The following LRCH3 variants were observed in gnomAD, a reference collection of about 807,000 sequenced individuals.
The protein encoded by LRCH3 is DISP complex protein LRCH3.
LRCH3 carries 68 observed loss-of-function variants against 104.5 expected under a neutral mutation model. The ratio of observed to expected loss-of-function variants is 0.65; its 90% CI spans 0.54 to 0.80. The LOEUF (loss-of-function observed/expected upper bound fraction) is 0.80. LRCH3 is among the 30% of genes least tolerant of loss of function. The pLI is 0.00. For synonymous variants in LRCH3, 344 were observed against 361.3 expected, an observed-to-expected ratio of 0.95 and a Z score of 0.54; for missense variants, 951 against 953.9, an observed-to-expected ratio of 1.00 and a Z score of 0.04.
At position 197,882,202 on chromosome 3, in the gene LRCH3, G is replaced by A. The variant is rs552848548; in HGVS notation, c.2209-1339G>A. The A allele has an allele frequency of 1.4e-5, 14 of 985,398 alleles. No individual in the cohort carries two copies. The South Asian group carries it at 2.3e-4, about 17-fold the overall frequency. The allele number at this position is 985,398 out of a possible 1,614,324, so 61.0% of individuals were successfully genotyped here. ...AGGCTTCTGAGTGTGAACACCGGCC[G>A]CGCAGGTCCTAGGGCGCTGCTGAGA... On this transcript the variant is annotated intron_variant, in intron 20 of 20. Coordinates refer to ENST00000425562, the MANE Select transcript of LRCH3 (RefSeq NM_001365715.1).
At chr3:197,813,990 T>C (rs1251067771) in intron 1 of LRCH3, among the ~76,000 whole-genome samples, 2 of 152,242 alleles carry the variant, frequency 1.3e-5, no homozygotes, top group Non-Finnish European at 1.5e-5. Flanking sequence ...CATCCATCTA[T>C]TGTTTACTCA....
In LRCH3 at chr3:197,870,297, A is replaced by AT. The variant is rs1184920560; in HGVS notation, c.1992+22dup. Reference sequence around the variant, plus strand: ...GCGTAAAGTATGTACATTACCTTTGATTTACACTTTTTCAGTATTACTGCT... The same window carrying AT: ...GCGTAAAGTATGTACATTACCTTTGATTTTACACTTTTTCAGTATTACTGCT... On this transcript the variant is annotated intron_variant, in intron 18 of 20. Coordinates refer to ENST00000425562, the MANE Select transcript of LRCH3 (RefSeq NM_001365715.1). 1 of 1,606,694 alleles carries AT rather than the reference A, an allele frequency of 6.2e-7. No individual in the cohort carries two copies. The highest frequency in any genetic ancestry group is 1.1e-5 in the South Asian group (1 of 90,486).
At chr3:197,827,984 G>A (rs961607154) in intron 5 of LRCH3, among the ~76,000 whole-genome samples, 2 of 151,430 alleles carry the variant, frequency 1.3e-5, no homozygotes, top group Admixed American at 1.3e-4. Context: ...GGCTGAGGCA[G>A]GAAAATCACT....
Position 197,829,632 on chromosome 3 carries a change from T to A in LRCH3, c.846T>A (p.Asp282Glu), listed in dbSNP as rs1261279930. 4 of 1,613,414 alleles carry A rather than the reference T, an allele frequency of 2.5e-6. No homozygotes were observed. In the Admixed American group the frequency reaches 6.7e-5, roughly 27 times the overall value. The part of the protein sequence containing the change: ...LNIQACKIAP[D>E]LPDYDRRPLG... ...TACAAGCTTGTAAGATTGCTCCAGATCTGCCGGATTATGATAGGAGACCGT... is the reference window on the plus strand; with the variant it reads ...TACAAGCTTGTAAGATTGCTCCAGAACTGCCGGATTATGATAGGAGACCGT... The change falls in exon 6 of 21, where the codon GAT becomes GAA. Residue 282 changes from aspartate to glutamate, a missense_variant. Coordinates refer to ENST00000425562, the MANE Select transcript of LRCH3 (RefSeq NM_001365715.1).
intron 1 of LRCH3, among the ~76,000 whole-genome samples, chr3:197,792,577 T>TTATTTATATATATATATATATATA (rs1352243221): frequency 4.9e-5 from 1 of 20,346 alleles, no homozygotes; most frequent in African/African-American, 1.2e-4. Context: ...CCAGCTAATT[T>TTATTTATATATATATATATATATA]TATATATATA....
At chr3:197,867,443 G>A (rs376733430) in intron 17 of LRCH3, among the ~76,000 whole-genome samples, 19 of 151,634 alleles carry the variant, frequency 1.3e-4, no homozygotes, top group African/African-American at 3.6e-4. Context: ...TAGGCCAGGC[G>A]TGGTGGCACG....
At chr3:197,876,950 G>A (rs113199438) in intron 20 of LRCH3, among the ~76,000 whole-genome samples, 42 of 21,884 alleles carry the variant, frequency 1.9e-3, no homozygotes, top group African/African-American at 0.011. Flanking sequence ...CGCACCCATG[G>A]CAGTGATTCT....
At chr3:197,793,253 A>G (rs1730834133) in intron 1 of LRCH3, among the ~76,000 whole-genome samples, 1 of 152,354 alleles carries the variant, frequency 6.6e-6, no homozygotes, top group Non-Finnish European at 1.5e-5. Flanking sequence ...CTTTTGCTGT[A>G]GTTTAAAATA....
rs879728738 is a variant in LRCH3, at chr3:197,865,716, G to T, written c.1765+245G>T. Among the ~76,000 whole-genome samples, 10 of 150,846 alleles carry T rather than the reference G, an allele frequency of 6.6e-5. No individual in the cohort carries two copies. The East Asian group carries it at 1.9e-3, about 29-fold the overall frequency. ...TTCCTAAATTACTTGTTAGAGAGCTGTGGCTGCTTTTTCTGAGATAGAAAT... is the reference window on the plus strand; with the variant it reads ...TTCCTAAATTACTTGTTAGAGAGCTTTGGCTGCTTTTTCTGAGATAGAAAT... On this transcript the variant is annotated intron_variant, in intron 16 of 20. Coordinates refer to ENST00000425562, the MANE Select transcript of LRCH3 (RefSeq NM_001365715.1).
In LRCH3 at chr3:197,882,218, G is replaced by A. The variant is rs142088959; in HGVS notation, c.2209-1323G>A. The A allele has an allele frequency of 6.9e-5, 68 of 985,378 alleles. No homozygotes were observed. The African/African-American group carries it at 1.1e-3, about 16-fold the overall frequency. The allele number at this position is 985,378 out of a possible 1,614,324, so 61.0% of individuals were successfully genotyped here. ...ACACCGGCCGCGCAGGTCCTAGGGC[G>A]CTGCTGAGAGGAAGAGACCAGGGAA... On this transcript the variant is annotated intron_variant, in intron 20 of 20. Transcript: ENST00000425562.
intron 18 of LRCH3, 50 bp from the exon 19 acceptor site, chr3:197,871,275 T>C: frequency 7.2e-7 from 1 of 1,397,312 alleles, no homozygotes; most frequent in Non-Finnish European, 1.0e-6. Context: ...TTATGTCCTA[T>C]ATGTCAGTCT....
intron 1 of LRCH3, among the ~76,000 whole-genome samples, chr3:197,809,260 T>A (rs1732845256): frequency 6.6e-6 from 1 of 151,766 alleles, no homozygotes; most frequent in Non-Finnish European, 1.5e-5. Flanking sequence ...ATTGTGCCAC[T>A]GCACTCCAGC....
chr3:197,829,471 T>C (rs1735642059), intron 5 of LRCH3, 93 bp from the exon 6 acceptor site: 9 of 693,232 alleles, frequency 1.3e-5, no homozygotes, highest in Non-Finnish European at 2.1e-5. Flanking sequence ...TGCCTCCCTT[T>C]CCCAATGTAT....
chr3:197,857,516 C>T (rs184457837), intron 14 of LRCH3, among the ~76,000 whole-genome samples: 1 of 151,884 alleles, frequency 6.6e-6, no homozygotes, highest in Non-Finnish European at 1.5e-5. Context: ...AGATTCTCTT[C>T]AGGCTACCCC....
At chr3:197,872,128 C>A (rs1712264077) in intron 19 of LRCH3, among the ~76,000 whole-genome samples, 1 of 152,072 alleles carries the variant, frequency 6.6e-6, no homozygotes, top group African/African-American at 2.4e-5. Flanking sequence ...GAGGCCGAGG[C>A]AGACGATTGC....
intron 20 of LRCH3, chr3:197,881,737 ACT>A: frequency 1.0e-6 from 1 of 985,410 alleles, no homozygotes; most frequent in African/African-American, 1.7e-5. Context: ...AACCTTCTGA[ACT>A]CTGTTAACAA....
chr3:197,866,214 A>C lies in LRCH3; in HGVS notation c.1868A>C (p.Asn623Thr), dbSNP rs1741465858. 1 of 1,612,486 alleles carries C rather than the reference A, an allele frequency of 6.2e-7. No individual in the cohort carries two copies. The highest frequency in any genetic ancestry group is 1.3e-5 in the African/African-American group (1 of 74,878). The change falls in exon 17 of 21, where the codon AAC (asparagine) becomes ACC (threonine). Residue 623 changes from asparagine (N) to threonine (T), a missense_variant. Coordinates refer to ENST00000425562, the MANE Select transcript of LRCH3 (RefSeq NM_001365715.1). ...LFRAGVRAET[N>T]KGHASPLPPS... ...CGAGCAGGTGTCAGGGCAGAAACCA[A>C]CAAAGGTAGGTGGTGGTGATTTTAA...
chr3:197,816,272 G>A (rs1025464942), intron 2 of LRCH3, among the ~76,000 whole-genome samples: 1 of 151,934 alleles, frequency 6.6e-6, no homozygotes, highest in African/African-American at 2.4e-5. Flanking sequence ...TGATAGATGT[G>A]GGTTGTTTTT....
In LRCH3 at chr3:197,830,843, A is replaced by C. The variant is rs774383710; in HGVS notation, c.961A>C (p.Lys321Gln). 10 of 1,613,948 alleles carry C rather than the reference A, an allele frequency of 6.2e-6. No individual in the cohort carries two copies. The highest frequency in any genetic ancestry group is 8.5e-6 in the Non-Finnish European group (10 of 1,179,844). Residue 321 changes from lysine (K) to glutamine (Q), a missense_variant, in exon 7 of 21, where the codon AAG (lysine) becomes CAG (glutamine). Transcript: ENST00000425562. ...CTTCAATAGTGTGGACAGTGGTGAT[A>C]AGAGATGGTCAGGGAATGAAGTAAG... Reference protein sequence around the residue: ...SGFNSVDSGDKRWSGNEPTDE... With the variant: ...SGFNSVDSGDQRWSGNEPTDE...
Sources: allele counts gnomAD v4.1 joint callset (sites outside exome capture counted in the v4.1 genomes callset), GRCh38; gene constraint gnomAD v4.1.1; transcripts MANE v1.5; gene names NCBI Gene and HGNC (gene_info 2026-07-23, HGNC 2026-07-21).